UTRN: variants seen among roughly 807,000 people sequenced by gnomAD.
UTRN encodes the protein dystrophin-related protein 1.
Under a neutral mutation model 463.9 loss-of-function variants are expected in UTRN, and 283 were observed. The observed-to-expected ratio is 0.61, with a 90% CI of 0.55 to 0.67. The LOEUF (loss-of-function observed/expected upper bound fraction) is 0.67, where lower values mean the gene tolerates loss of function less well. UTRN is among the 30% of genes least tolerant of loss of function. UTRN has a pLI of 0.00. For missense variants in UTRN, 3,922 were observed against 4,084.3 expected (o/e 0.96, Z 1.08); for synonymous variants, 1,442 against 1,431.5 (o/e 1.01, Z -0.17).
intron 53 of UTRN, 21 bp downstream of exon 53, chr6:144,700,264 G>T: frequency 1.3e-6 from 2 of 1,593,386 alleles, no homozygotes; most frequent in Non-Finnish European, 1.7e-6. Flanking sequence ...AACCTATAGT[G>T]AGTCGCTTAA....
In UTRN at chr6:144,414,424, C is replaced by T. The variant is rs148638752; in HGVS notation, c.142-7454C>T. 3.3e-3 allele frequency among the ~76,000 whole-genome samples: 495 copies of T among 152,224 alleles called. 5 individuals are homozygous for T. The highest frequency in any genetic ancestry group is 0.011 in the African/African-American group (470 of 41,528). On this transcript the variant is annotated intron_variant, in intron 3 of 74. Transcript: ENST00000367545. ...CTTGTAGAATAAGGACAAAATGAAA[C>T]AGAATATTCTTGCACAGATGTGTGA...
chr6:144,301,515 C>A (rs1805244628), intron 2 of UTRN, among the ~76,000 whole-genome samples: 1 of 149,324 alleles, frequency 6.7e-6, no homozygotes, highest in African/African-American at 2.5e-5. Flanking sequence ...AAGTCTCATG[C>A]CATCCTATCT....
chr6:144,334,183 A>C (rs1407889459), intron 2 of UTRN, among the ~76,000 whole-genome samples: 1 of 152,150 alleles, frequency 6.6e-6, no homozygotes, highest in Non-Finnish European at 1.5e-5. Context: ...CTGTGGAGGC[A>C]AATGGTGCTT....
chr6:144,850,156 T>C (rs150404574), intron 74 of UTRN, among the ~76,000 whole-genome samples: 93 of 152,314 alleles, frequency 6.1e-4, no homozygotes, highest in African/African-American at 2.1e-3. Context: ...TGAATAGTCA[T>C]GGAGAATGGG....
At chr6:144,645,184 A>G (rs1436304421) in intron 51 of UTRN, among the ~76,000 whole-genome samples, 3 of 152,218 alleles carry the variant, frequency 2.0e-5, no homozygotes, top group Non-Finnish European at 2.9e-5. Context: ...AGAATTTTGT[A>G]AAGTCCTGGA....
In UTRN at chr6:144,474,709, C is replaced by T; in HGVS notation, c.3286C>T (p.Gln1096Ter). ...AGTTGCTGGAATAAAAACTTGGGTG[C>T]AGACAAGACTAGGTGACTACCAAAC... is the stretch of plus-strand genomic sequence containing the variant. ...GPVAGIKTWV[Q>*]TRLGDYQTQL... The change falls in exon 25 of 75, where the codon CAG becomes TAG. Residue 1096 changes from glutamine to a stop codon, truncating the protein, a stop_gained. Coordinates refer to ENST00000367545, the MANE Select transcript of UTRN (RefSeq NM_007124.3). LOFTEE classifies it high-confidence loss of function. 6.2e-7 allele frequency: 1 copy of T among 1,613,992 alleles called. No individual in the cohort carries two copies. The highest frequency in any genetic ancestry group is 8.5e-7 in the Non-Finnish European group (1 of 1,179,950).
intron 12 of UTRN, among the ~76,000 whole-genome samples, chr6:144,439,255 G>A (rs1213574684): frequency 6.6e-6 from 1 of 152,144 alleles, no homozygotes; most frequent in Admixed American, 6.5e-5. Context: ...AAAGCGTCAG[G>A]CATTAAGTTA....
intron 17 of UTRN, among the ~76,000 whole-genome samples, chr6:144,450,256 G>T (rs1225782494): frequency 6.6e-6 from 1 of 152,130 alleles, no homozygotes; most frequent in Non-Finnish European, 1.5e-5. Context: ...CTGCCTTTGG[G>T]TTAAGTCCAA....
chr6:144,692,186 T>C (rs1258383616), intron 52 of UTRN, among the ~76,000 whole-genome samples: 2 of 152,224 alleles, frequency 1.3e-5, no homozygotes, highest in Non-Finnish European at 1.5e-5. Flanking sequence ...GATAATGGCC[T>C]CCAGCTTCAT....
intron 5 of UTRN, 98 bp downstream of exon 5, chr6:144,423,724 T>A: frequency 7.2e-7 from 1 of 1,385,878 alleles, no homozygotes; most frequent in Non-Finnish European, 1.0e-6. Context: ...CCACTGATTC[T>A]TGCAAACATT....
intron 65 of UTRN, among the ~76,000 whole-genome samples, chr6:144,806,870 A>T (rs1778195642): frequency 3.9e-5 from 6 of 151,990 alleles, no homozygotes; most frequent in African/African-American, 7.2e-5. Context: ...TATAAATGCA[A>T]GTATTCAGAA....
rs1451215109 is a variant in UTRN, at chr6:144,852,418, C to T, written c.*1421C>T. 1 of 152,304 alleles carries T rather than the reference C, an allele frequency of 6.6e-6. No homozygotes were observed. The highest frequency in any genetic ancestry group is 1.5e-5 in the Non-Finnish European group (1 of 67,984). 9.4% of individuals were successfully genotyped at this position (152,304 alleles called of 1,614,324 possible). ...ACCTAAAGACATAAAAACATAAAGA[C>T]ATTTTAACTTTGGGTTCTCTTTAGC... On this transcript the variant is annotated 3_prime_UTR_variant, in exon 75 of 75. Transcript: ENST00000367545.
intron 46 of UTRN, among the ~76,000 whole-genome samples, chr6:144,546,815 AAAACAAACAAAC>A (rs140082062): frequency 6.6e-6 from 1 of 151,864 alleles, no homozygotes; most frequent in African/African-American, 2.4e-5. Context: ...TCTCAAAGAA[AAAACAAACAAAC>A]AAACAAACAA....
chr6:144,766,784 A>AGG (rs1236748073), intron 58 of UTRN, among the ~76,000 whole-genome samples: 12 of 144,428 alleles, frequency 8.3e-5, no homozygotes. Context: ...GATTTGAGGT[A>AGG]GGGGTGTGTG....
chr6:144,831,551 A>T (rs1415960371), intron 69 of UTRN, among the ~76,000 whole-genome samples: 1 of 152,212 alleles, frequency 6.6e-6, no homozygotes, highest in Non-Finnish European at 1.5e-5. Context: ...CAGAAAGATA[A>T]ATGACATGTC....
intron 61 of UTRN, among the ~76,000 whole-genome samples, chr6:144,782,498 C>G (rs1382103548): frequency 6.6e-6 from 1 of 151,952 alleles, no homozygotes; most frequent in Non-Finnish European, 1.5e-5. Flanking sequence ...TTATGAATTA[C>G]AGTAATTTAT....
chr6:144,466,800 GTA>G (rs1790005042), intron 23 of UTRN, among the ~76,000 whole-genome samples: 1 of 152,144 alleles, frequency 6.6e-6, no homozygotes, highest in South Asian at 2.1e-4. Flanking sequence ...CCTGCCCTAT[GTA>G]TAACTGGGAA....
At chr6:144,502,484 C>T (rs1262957061) in intron 34 of UTRN, among the ~76,000 whole-genome samples, 2 of 152,056 alleles carry the variant, frequency 1.3e-5, no homozygotes, top group Non-Finnish European at 2.9e-5. Context: ...TGTTCAATTC[C>T]CACTTATGAG....
chr6:144,447,686 A>C lies in UTRN; in HGVS notation c.1807A>C (p.Asn603His). 1 of 1,614,068 alleles carries C rather than the reference A, an allele frequency of 6.2e-7. No individual in the cohort carries two copies. ...IGQDVGQLLD[N>H]SKASKKINSD... is the part of the protein sequence containing the mutation. ...CCAGGATGTGGGACAATTACTTGAT[A>C]ATTCCAAGGCATCTAAGAAGATCAA... The change falls in exon 16 of 75, where the codon AAT (asparagine) becomes CAT (histidine). Residue 603 changes from asparagine to histidine, a missense_variant. Physicochemically the swap from Asn to His is moderately conservative, Grantham distance 68. Around this residue, in one of 3 missense-constraint regions of UTRN, gnomAD observed 2,349 missense variants for 2,303.8 expected, o/e 1.02. Coordinates refer to ENST00000367545, the MANE Select transcript of UTRN (RefSeq NM_007124.3).
Sources: gnomAD v4.1 joint callset for allele counts (sites outside exome capture counted in the v4.1 genomes callset) on GRCh38, gnomAD v4.1.1 for gene constraint, gnomAD v4.1.1 regional missense constraint, MANE v1.5 for transcripts, NCBI Gene and HGNC (gene_info 2026-07-23, HGNC 2026-07-21) for gene names.